The following MAP7 variants were observed in gnomAD, a reference collection of about 807,000 sequenced individuals.
The protein encoded by MAP7 is ensconsin.
In MAP7, 52 loss-of-function variants were observed where a neutral mutation model predicts 94.8. The ratio of observed to expected loss-of-function variants is 0.55; its 90% confidence interval spans 0.44 to 0.69. The LOEUF (loss-of-function observed/expected upper bound fraction) is 0.69. MAP7 is among the 30% of genes least tolerant of loss of function. The probability of loss-of-function intolerance (pLI) is 0.00; values close to 1 mark genes in which losing one functional copy is unlikely to be tolerated. For missense variants in MAP7, 940 were observed against 964.6 expected (o/e 0.97, Z 0.34); for synonymous variants, 350 against 357.0 (o/e 0.98, Z 0.22).
Position 136,428,230 on chromosome 6 carries a change from CAT to C in MAP7, c.68-6433_68-6432del, listed in dbSNP as rs780626013. On this transcript the variant is annotated intron_variant, in intron 1 of 17. Transcript: ENST00000354570. ...TACATGAGATTATAAAAAATACTGA[CAT>C]AGGCTGGGCGTGGTGGCTCACACCT... Among the ~76,000 whole-genome samples the C allele has an allele frequency of 2.6e-5, 4 of 152,194 alleles. No homozygotes were observed. The East Asian group carries it at 7.8e-4, about 29-fold the overall frequency.
chr6:136,488,611 A>G (rs1370890914), intron 1 of MAP7, among the ~76,000 whole-genome samples: 1 of 151,644 alleles, frequency 6.6e-6, no homozygotes, highest in Admixed American at 6.6e-5. Context: ...CGCCCAGCTA[A>G]TTTTTGTATT....
chr6:136,402,645 G>C (rs1161825440), intron 3 of MAP7, among the ~76,000 whole-genome samples: 2 of 152,098 alleles, frequency 1.3e-5, no homozygotes, highest in Non-Finnish European at 2.9e-5. Flanking sequence ...GGTGGCTCAC[G>C]CCTGTAATCC....
chr6:136,526,004 T>C lies in MAP7; in HGVS notation c.67+24338A>G, dbSNP rs1178974257. The C allele has an allele frequency of 1.1e-5, 17 of 1,486,768 alleles. No homozygotes were observed. In the East Asian group the frequency reaches 2.5e-4, roughly 22 times the overall value. 92.1% of individuals were successfully genotyped at this position (1,486,768 alleles called of 1,614,324 possible). A position where few individuals can be genotyped will look rare whatever the true frequency, so the allele number is the denominator to read the frequency against. ...TTTTTTTTTTTTTTAATTGTGATTA[T>C]ATTAAAAATATATGCTTATGTAATT... is the stretch of plus-strand genomic sequence containing the variant. On this transcript the variant is annotated intron_variant, in intron 1 of 17. Transcript: ENST00000354570.
At position 136,366,562 on chromosome 6, in the gene MAP7, A is replaced by T; in HGVS notation, c.877-123T>A. 4 of 671,612 alleles carry T rather than the reference A, an allele frequency of 6.0e-6. No individual in the cohort carries two copies. In the South Asian group the frequency reaches 7.0e-5, roughly 12 times the overall value. 41.6% of individuals were successfully genotyped at this position (671,612 alleles called of 1,614,324 possible). A position where few individuals can be genotyped will look rare whatever the true frequency, so the allele number is the denominator to read the frequency against. ...TAAGAAATTTTCTTAGCTATGTCAC[A>T]TATACCCATTCCATCTCAACAAAAG... On this transcript the variant is annotated intron_variant, in intron 8 of 17. Transcript: ENST00000354570.
chr6:136,484,761 G>A (rs1332556779), intron 1 of MAP7, among the ~76,000 whole-genome samples: 9 of 152,326 alleles, frequency 5.9e-5, no homozygotes, highest in East Asian at 1.9e-4. Context: ...GTGGAGTGGT[G>A]TTATCATAGC....
chr6:136,529,871 C>A (rs1469086403), intron 1 of MAP7, among the ~76,000 whole-genome samples: 1 of 152,202 alleles, frequency 6.6e-6, no homozygotes, highest in Non-Finnish European at 1.5e-5. Context: ...GTTGGCATCT[C>A]TGGCCTATGT....
At chr6:136,410,170 GA>G (rs1786978352) in intron 3 of MAP7, among the ~76,000 whole-genome samples, 1 of 152,212 alleles carries the variant, frequency 6.6e-6, no homozygotes, top group South Asian at 2.1e-4. Flanking sequence ...AACCATAAAG[GA>G]ATGCTCTCCC....
chr6:136,430,384 T>C (rs1206759491), intron 1 of MAP7, among the ~76,000 whole-genome samples: 1 of 152,150 alleles, frequency 6.6e-6, no homozygotes, highest in African/African-American at 2.4e-5. Flanking sequence ...GTTATCTAAG[T>C]AGAAAATGTA....
chr6:136,501,191 T>C (rs1819735045), intron 1 of MAP7, among the ~76,000 whole-genome samples: 1 of 152,266 alleles, frequency 6.6e-6, no homozygotes, highest in African/African-American at 2.4e-5. Flanking sequence ...TTTATTTTAA[T>C]TGACACTAAT....
intron 1 of MAP7, among the ~76,000 whole-genome samples, chr6:136,523,731 C>T (rs1337480071): frequency 6.6e-6 from 1 of 152,114 alleles, no homozygotes; most frequent in Non-Finnish European, 1.5e-5. Flanking sequence ...CCTTGCCCTT[C>T]CCACCACTAT....
In MAP7 at chr6:136,404,397, G is replaced by GA. The variant is rs1050467651; in HGVS notation, c.244+7222dup. 4.3e-3 allele frequency among the ~76,000 whole-genome samples: 574 copies of GA among 132,902 alleles called. 2 individuals are homozygous for GA. Among genetic ancestry groups the GA allele is most frequent in the African/African-American group, 0.01 (377 of 36,282 alleles). 87.2% of individuals were successfully genotyped at this position (132,902 alleles called of 152,430 possible). A position where few individuals can be genotyped will look rare whatever the true frequency, so the allele number is the denominator to read the frequency against. ...AAGGAAGCCCGATGAAATTATCTAGGAAAAAAAAAAAAAGCCCCTCACATA... is the reference window on the plus strand; with the variant it reads ...AAGGAAGCCCGATGAAATTATCTAGGAAAAAAAAAAAAAAGCCCCTCACATA... On this transcript the variant is annotated intron_variant, in intron 3 of 17. Coordinates refer to ENST00000354570, the MANE Select transcript of MAP7 (RefSeq NM_003980.6).
intron 1 of MAP7, among the ~76,000 whole-genome samples, chr6:136,548,891 A>C (rs1321091354): frequency 6.6e-6 from 1 of 152,150 alleles, no homozygotes; most frequent in Non-Finnish European, 1.5e-5. Context: ...CACTTGGGGG[A>C]GCCCCGTCCC....
Position 136,377,862 on chromosome 6 carries a change from C to T in MAP7, c.644G>A (p.Arg215His). Residue 215 changes from arginine (R) to histidine (H), a missense_variant, in exon 7 of 18, where the codon CGC becomes CAC. Physicochemically the swap from Arg to His is conservative, Grantham distance 29. Coordinates refer to ENST00000354570, the MANE Select transcript of MAP7 (RefSeq NM_003980.6). Reference protein sequence around the residue: ...TLLNSPDRARRLQLSPWESSV... With the variant: ...TLLNSPDRARHLQLSPWESSV... ...GCTCTCCCATGGGCTGAGCTGCAGG[C>T]GGCGAGCTAAACGTCACCACATAAG... is the stretch of plus-strand genomic sequence containing the variant. 5.6e-6 allele frequency: 9 copies of T among 1,612,418 alleles called. No individual in the cohort carries two copies. Among genetic ancestry groups the T allele is most frequent in the African/African-American group, 1.3e-5 (1 of 74,978 alleles).
At position 136,422,078 on chromosome 6, in the gene MAP7, C is replaced by G. The variant is rs188765450; in HGVS notation, c.68-279G>C. ...TGGCTGCACCAGTTTACACATAAAG[C>G]AACCACGTGGAAGCACGACTGGAGT... On this transcript the variant is annotated intron_variant, in intron 1 of 17. Coordinates refer to ENST00000354570, the MANE Select transcript of MAP7 (RefSeq NM_003980.6). Among the ~76,000 whole-genome samples the G allele has an allele frequency of 3.3e-5, 5 of 152,332 alleles. No homozygotes were observed. The East Asian group carries it at 9.6e-4, about 29-fold the overall frequency.
At chr6:136,433,191 C>A (rs910008230) in intron 1 of MAP7, among the ~76,000 whole-genome samples, 2 of 152,182 alleles carry the variant, frequency 1.3e-5, no homozygotes. Context: ...GAACAATTTA[C>A]TCTTCTGCCC....
At chr6:136,418,206 G>GGTTTGTTT (rs372990678) in intron 2 of MAP7, among the ~76,000 whole-genome samples, 2 of 152,004 alleles carry the variant, frequency 1.3e-5, no homozygotes, top group African/African-American at 4.8e-5. Context: ...TCTGTAATGT[G>GGTTTGTTT]GTTTGTTTGT....
At chr6:136,351,766 G>A (rs918399144) in intron 16 of MAP7, among the ~76,000 whole-genome samples, 3 of 152,202 alleles carry the variant, frequency 2.0e-5, no homozygotes, top group African/African-American at 7.2e-5. Flanking sequence ...TTCCTGTTCT[G>A]TGAAACTGGA....
chr6:136,482,670 C>A (rs1347658079), intron 1 of MAP7, among the ~76,000 whole-genome samples: 2 of 151,572 alleles, frequency 1.3e-5, no homozygotes, highest in African/African-American at 4.8e-5. Context: ...GATATGGAAT[C>A]AACCTAGATG....
chr6:136,483,475 C>T (rs1813587883), intron 1 of MAP7, among the ~76,000 whole-genome samples: 1 of 152,030 alleles, frequency 6.6e-6, no homozygotes, highest in Admixed American at 6.6e-5. Flanking sequence ...TATTTACCTA[C>T]ATAACAAACC....
Sources: allele counts gnomAD v4.1 joint callset (sites outside exome capture counted in the v4.1 genomes callset), GRCh38; gene constraint gnomAD v4.1.1; transcripts MANE v1.5; gene names NCBI Gene and HGNC (gene_info 2026-07-23, HGNC 2026-07-21).